KLF9: variants seen among roughly 807,000 people sequenced by gnomAD.
KLF9 encodes the protein Krueppel-like factor 9.
A neutral mutation model predicts 17.3 loss-of-function variants in KLF9; 2 were observed. That is an observed-to-expected ratio of 0.12 (90% CI 0.05 to 0.36). The LOEUF is 0.36. Ranked by LOEUF, KLF9 falls within the 10% of genes least tolerant of loss-of-function variation. KLF9 has a pLI of 1.00. For missense variants in KLF9, 226 were observed against 333.2 expected (o/e 0.68, Z 2.51); for synonymous variants, 138 against 139.2 (o/e 0.99, Z 0.06).
chr9:70,387,723 A>G lies in KLF9; in HGVS notation c.*53T>C. On this transcript the variant is annotated 3_prime_UTR_variant, in exon 2 of 2. Transcript: ENST00000377126. ...AGTTTTCACGCGTCTGTTTCCTGGG[A>G]GTACTTTTCTCCTTTCGGGGTCCAT... is the stretch of plus-strand genomic sequence containing the variant. 6.7e-7 allele frequency: 1 copy of G among 1,499,270 alleles called. No individual in the cohort carries two copies. Among genetic ancestry groups the G allele is most frequent in the Non-Finnish European group, 9.3e-7 (1 of 1,077,646 alleles). The allele number at this position is 1,499,270 out of a possible 1,614,324, so 92.9% of individuals were successfully genotyped here.
rs1564091292 is a variant in KLF9 at position 70,414,284 on chromosome 9, T to TA, written c.-922_-921insT. The TA allele has an allele frequency of 1.3e-5, 2 of 151,852 alleles. No individual in the cohort carries two copies. The highest frequency in any genetic ancestry group is 4.9e-5 in the African/African-American group (2 of 41,142). The allele number at this position is 151,852 out of a possible 1,614,324, so 9.4% of individuals were successfully genotyped here. On this transcript the variant is annotated 5_prime_UTR_variant, in exon 1 of 2. Transcript: ENST00000377126. ...CCAGCTTGCGGAGCTTTGGGACACA[T>TA]CTTTCCTAGTCAGTTGCGCTCGTTC... is the stretch of plus-strand genomic sequence containing the variant.
intron 1 of KLF9, among the ~76,000 whole-genome samples, chr9:70,390,946 T>C (rs951629714): frequency 6.6e-6 from 1 of 152,188 alleles, no homozygotes; most frequent in Non-Finnish European, 1.5e-5. Flanking sequence ...CACTCCCTTC[T>C]GATGTGGCGG....
chr9:70,406,846 C>T (rs1469482639), intron 1 of KLF9, among the ~76,000 whole-genome samples: 3 of 146,288 alleles, frequency 2.1e-5, no homozygotes, highest in Non-Finnish European at 4.5e-5. Context: ...TGGCATGCTA[C>T]AAGCTTTTTC....
chr9:70,391,684 A>C (rs1411290368), intron 1 of KLF9, among the ~76,000 whole-genome samples: 1 of 152,236 alleles, frequency 6.6e-6, no homozygotes, highest in Non-Finnish European at 1.5e-5. Context: ...CTTTTTGGTC[A>C]GTGATCTAAA....
rs562580813 is a variant in KLF9 at position 70,407,644 on chromosome 9, G to A, written c.505+5215C>T. 3.9e-5 allele frequency among the ~76,000 whole-genome samples: 6 copies of A among 152,338 alleles called. No individual in the cohort carries two copies. In the East Asian group the frequency reaches 1.2e-3, roughly 29 times the overall value. On this transcript the variant is annotated intron_variant, in intron 1 of 1. Coordinates refer to ENST00000377126, the MANE Select transcript of KLF9 (RefSeq NM_001206.4). Reference sequence around the variant, plus strand: ...GGGAAATGAGGAAAGAAAGGCAACTGGGTGGCTCCTACCTTGTGACTAGCA... The same window carrying A: ...GGGAAATGAGGAAAGAAAGGCAACTAGGTGGCTCCTACCTTGTGACTAGCA...
At chr9:70,397,291 A>C (rs2037187336) in intron 1 of KLF9, among the ~76,000 whole-genome samples, 1 of 152,254 alleles carries the variant, frequency 6.6e-6, no homozygotes, top group East Asian at 1.9e-4. Context: ...CCTGGCCAAC[A>C]TGGTGAAACC....
In KLF9 at chr9:70,385,725, C is replaced by T. The variant is rs1564084857; in HGVS notation, c.*2051G>A. 6.6e-6 allele frequency: 1 copy of T among 152,562 alleles called. No individual in the cohort carries two copies. The highest frequency in any genetic ancestry group is 1.5e-5 in the Non-Finnish European group (1 of 68,036). 9.5% of individuals were successfully genotyped at this position (152,562 alleles called of 1,614,324 possible). A position where few individuals can be genotyped will look rare whatever the true frequency, so the allele number is the denominator to read the frequency against. ...GCCTAACCTATTTCGTATGGAAGAA[C>T]AGATGTCCTTAAAACTTATTTTGGA... On this transcript the variant is annotated 3_prime_UTR_variant, in exon 2 of 2. Coordinates refer to ENST00000377126, the MANE Select transcript of KLF9 (RefSeq NM_001206.4).
At chr9:70,399,070 A>C (rs1395279191) in intron 1 of KLF9, among the ~76,000 whole-genome samples, 2 of 151,834 alleles carry the variant, frequency 1.3e-5, no homozygotes, top group African/African-American at 4.8e-5. Context: ...CCTGGGCTCA[A>C]GTGATCCTCC....
chr9:70,408,030 G>C (rs892028289), intron 1 of KLF9, among the ~76,000 whole-genome samples: 1 of 152,124 alleles, frequency 6.6e-6, no homozygotes, highest in South Asian at 2.1e-4. Flanking sequence ...TGTCGCCTTC[G>C]GAATGGGGCA....
rs764995654 is a variant in KLF9 at position 70,387,893 on chromosome 9, C to T, written c.618G>A (p.Pro206=). 1.5e-5 allele frequency: 24 copies of T among 1,613,960 alleles called. No homozygotes were observed. In the African/African-American group the frequency reaches 2.5e-4, roughly 17 times the overall value. ...THTGEKQFRC[P]LCEKRFMRSD... The stretch of plus-strand genomic sequence containing the variant: ...TCCTCATGAAGCGCTTCTCACACAG[C>T]GGACAGCGGAACTGCTTTTCCCCAG... Residue 206 remains proline (P), a synonymous_variant, in exon 2 of 2, where the codon CCG becomes CCA. Transcript: ENST00000377126.
At position 70,408,958 on chromosome 9, in the gene KLF9, G is replaced by T. The variant is rs552002045; in HGVS notation, c.505+3901C>A. Among the ~76,000 whole-genome samples, 52 of 141,930 alleles carry T rather than the reference G, an allele frequency of 3.7e-4. No homozygotes were observed. The East Asian group carries it at 9.2e-3, about 25-fold the overall frequency. The allele number at this position is 141,930 out of a possible 152,430, so 93.1% of individuals were successfully genotyped here. The stretch of plus-strand genomic sequence containing the variant: ...GCTTTTGTAGCCCCCACCTCTCCTG[G>T]TTTTTTATGTGAGCCTCCTTTTGCA... On this transcript the variant is annotated intron_variant, in intron 1 of 1. Transcript: ENST00000377126.
chr9:70,398,115 A>G (rs898702308), intron 1 of KLF9, among the ~76,000 whole-genome samples: 1 of 152,166 alleles, frequency 6.6e-6, no homozygotes, highest in Non-Finnish European at 1.5e-5. Flanking sequence ...TGAAAGAATA[A>G]TCCTGCCTGA....
rs1387900739 is a variant in KLF9 at position 70,386,746 on chromosome 9, A to T, written c.*1030T>A. The T allele has an allele frequency of 6.6e-6, 1 of 152,330 alleles. No individual in the cohort carries two copies. Among genetic ancestry groups the T allele is most frequent in the Non-Finnish European group, 1.5e-5 (1 of 68,040 alleles). 9.4% of individuals were successfully genotyped at this position (152,330 alleles called of 1,614,324 possible). ...TAACTAAAAGCATAGGAAAATTTGG[A>T]AAAGTTAATAGAGTTAAAATTCTGT... On this transcript the variant is annotated 3_prime_UTR_variant, in exon 2 of 2. Transcript: ENST00000377126.
rs547721805 is a variant in KLF9, at chr9:70,394,974, G to T, written c.506-6969C>A. Among the ~76,000 whole-genome samples the T allele has an allele frequency of 1.2e-4, 19 of 152,286 alleles. No individual in the cohort carries two copies. The East Asian group carries it at 3.7e-3, about 29-fold the overall frequency. ...ATTTCTTTTTCTAGAACTTGACAAA[G>T]TTATTTCTGAAGTTCATTTGGAAGA... On this transcript the variant is annotated intron_variant, in intron 1 of 1. Coordinates refer to ENST00000377126, the MANE Select transcript of KLF9 (RefSeq NM_001206.4).
intron 1 of KLF9, among the ~76,000 whole-genome samples, chr9:70,404,162 C>A (rs1187315225): frequency 6.6e-6 from 1 of 152,200 alleles, no homozygotes; most frequent in Admixed American, 6.5e-5. Flanking sequence ...TGTGACAATG[C>A]ATGTAAACCA....
intron 1 of KLF9, among the ~76,000 whole-genome samples, chr9:70,393,936 T>G (rs569610727): frequency 8.6e-5 from 13 of 151,320 alleles, no homozygotes; most frequent in Admixed American, 2.0e-4. Flanking sequence ...GCGGGAAGAT[T>G]GCTTGAGCCC....
intron 1 of KLF9, among the ~76,000 whole-genome samples, chr9:70,396,220 T>C (rs915500469): frequency 2.0e-5 from 3 of 152,126 alleles, no homozygotes; most frequent in African/African-American, 7.2e-5. Flanking sequence ...TTTTTGGCAA[T>C]TAATTTGATA....
chr9:70,401,707 A>G (rs1288682791), intron 1 of KLF9, among the ~76,000 whole-genome samples: 12 of 142,668 alleles, frequency 8.4e-5, no homozygotes, highest in Non-Finnish European at 1.8e-4. Context: ...AAAAAAAAAG[A>G]AAAGAAAAGA....
In KLF9 at chr9:70,387,911, T is replaced by C. The variant is rs2037125481; in HGVS notation, c.600A>G (p.Glu200=). 6.2e-7 allele frequency: 1 copy of C among 1,614,160 alleles called. No individual in the cohort carries two copies. Among genetic ancestry groups the C allele is most frequent in the Non-Finnish European group, 8.5e-7 (1 of 1,180,028 alleles). ...CACACAGCGGACAGCGGAACTGCTTTTCCCCAGTGTGGGTCCGGTAGTGGC... is the reference window on the plus strand; with the variant it reads ...CACACAGCGGACAGCGGAACTGCTTCTCCCCAGTGTGGGTCCGGTAGTGGC... ...LTRHYRTHTG[E]KQFRCPLCEK... is the part of the protein sequence containing the mutation. Residue 200 remains glutamate, a synonymous_variant, in exon 2 of 2, where the codon GAA becomes GAG. Transcript: ENST00000377126.
Sources: allele counts gnomAD v4.1 joint callset (sites outside exome capture counted in the v4.1 genomes callset), GRCh38; gene constraint gnomAD v4.1.1; transcripts MANE v1.5; gene names NCBI Gene and HGNC (gene_info 2026-07-23, HGNC 2026-07-21).